CDCA2: variants seen among roughly 807,000 people sequenced by gnomAD.
The protein encoded by CDCA2 is cell division cycle-associated protein 2.
CDCA2 carries 44 observed loss-of-function variants against 67.0 expected under a neutral mutation model. That is an observed-to-expected ratio of 0.66 (90% confidence interval 0.52 to 0.84). The LOEUF is 0.84. Ranked by LOEUF, CDCA2 falls within the 40% of genes least tolerant of loss-of-function variation. The pLI, the probability that CDCA2 is intolerant of heterozygous loss-of-function variation, is 0.00. For synonymous variants in CDCA2, 447 were observed against 418.7 expected (o/e 1.07, Z -0.82); for missense variants, 1,253 against 1,203.2 (o/e 1.04, Z -0.61).
chr8:25,473,601 T>G (rs1803240725), intron 7 of CDCA2, among the ~76,000 whole-genome samples: 1 of 152,200 alleles, frequency 6.6e-6, no homozygotes. Context: ...TAGAAAGGCA[T>G]TTCATTAGTA....
chr8:25,473,390 C>A (rs1803233387), intron 7 of CDCA2, among the ~76,000 whole-genome samples: 1 of 152,108 alleles, frequency 6.6e-6, no homozygotes. Flanking sequence ...TTATCAAATG[C>A]TTTTTCTCCA....
In CDCA2 at chr8:25,485,814, C is replaced by A; in HGVS notation, c.1421C>A (p.Ser474Ter). 6.2e-7 allele frequency: 1 copy of A among 1,603,884 alleles called. No individual in the cohort carries two copies. The highest frequency in any genetic ancestry group is 1.1e-5 in the South Asian group (1 of 89,932). Residue 474 changes from serine (S) to a stop codon, truncating the protein, a stop_gained, in exon 11 of 15, where the codon TCA becomes TAA. Transcript: ENST00000330560. LOFTEE classifies it high-confidence loss of function. ...GCCGTTCTCAGTTCTCCTAATAAAT[C>A]ATCAATCTCTGAGACCCTTTCAGGT... is the stretch of plus-strand genomic sequence containing the variant. ...SFAVLSSPNK[S>*]SISETLSGTD...
At chr8:25,482,890 A>G (rs987141843) in intron 8 of CDCA2, among the ~76,000 whole-genome samples, 1 of 152,192 alleles carries the variant, frequency 6.6e-6, no homozygotes, top group South Asian at 2.1e-4. Context: ...ATAAATAAAA[A>G]GTATGCTTTT....
intron 13 of CDCA2, among the ~76,000 whole-genome samples, chr8:25,497,512 A>AAAT (rs1563281854): frequency 1.4e-5 from 2 of 144,840 alleles, no homozygotes; most frequent in Non-Finnish European, 3.0e-5. Flanking sequence ...AAAATAAAAA[A>AAAT]AAAAAAAACT....
chr8:25,461,092 A>G lies in CDCA2; in HGVS notation c.232+538A>G, dbSNP rs370839429. On this transcript the variant is annotated intron_variant, in intron 3 of 14. Coordinates refer to ENST00000330560, the MANE Select transcript of CDCA2 (RefSeq NM_152562.4). ...AGACCAGCCTGACCAACATAGAGAA[A>G]CCTCGTCTCTACTAAAAATACAAAA... 1.8e-4 allele frequency among the ~76,000 whole-genome samples: 28 copies of G among 151,876 alleles called. No individual in the cohort carries two copies. The East Asian group carries it at 4.1e-3, about 22-fold the overall frequency.
At chr8:25,491,067 A>G (rs1803982870) in intron 13 of CDCA2, among the ~76,000 whole-genome samples, 2 of 152,230 alleles carry the variant, frequency 1.3e-5, no homozygotes, top group Non-Finnish European at 2.9e-5. Flanking sequence ...TCATCTGCAT[A>G]AAAGTAAGGA....
chr8:25,461,216 G>A (rs537082727), intron 3 of CDCA2, among the ~76,000 whole-genome samples: 2 of 134,384 alleles, frequency 1.5e-5, no homozygotes, highest in African/African-American at 2.9e-5. Context: ...ACCGTGAGTC[G>A]AAATCGCACC....
intron 7 of CDCA2, among the ~76,000 whole-genome samples, chr8:25,477,414 C>G (rs1803393259): frequency 6.6e-6 from 1 of 152,116 alleles, no homozygotes; most frequent in East Asian, 1.9e-4. Flanking sequence ...CCTTTTGTCT[C>G]TATATACAGG....
At chr8:25,468,176 A>G (rs1802996743) in intron 5 of CDCA2, 41 bp from the exon 6 acceptor site, 3 of 1,153,360 alleles carry the variant, frequency 2.6e-6, no homozygotes, top group Non-Finnish European at 2.4e-6. Context: ...ATATGAAAAC[A>G]TTTATGCCTG....
At chr8:25,500,154 A>G (rs1328717761) in intron 13 of CDCA2, among the ~76,000 whole-genome samples, 2 of 151,860 alleles carry the variant, frequency 1.3e-5, no homozygotes, top group African/African-American at 4.8e-5. Flanking sequence ...TTGACCATTC[A>G]TTCATTCATT....
intron 5 of CDCA2, among the ~76,000 whole-genome samples, chr8:25,466,547 G>A (rs569963814): frequency 1.2e-3 from 190 of 152,110 alleles, no homozygotes; most frequent in African/African-American, 4.4e-3. Flanking sequence ...CTACATTTCC[G>A]CATGGTTGCA....
At chr8:25,480,978 T>C (rs1306791236) in intron 8 of CDCA2, among the ~76,000 whole-genome samples, 2 of 152,224 alleles carry the variant, frequency 1.3e-5, no homozygotes, top group Non-Finnish European at 2.9e-5. Context: ...CAAATCTTTT[T>C]TTCAAACCAT....
chr8:25,470,760 G>A (rs1369016399), intron 7 of CDCA2, among the ~76,000 whole-genome samples: 1 of 135,396 alleles, frequency 7.4e-6, no homozygotes, highest in Non-Finnish European at 1.6e-5. Flanking sequence ...TATGTGCTTT[G>A]TTTTTCTTTT....
chr8:25,488,573 G>A lies in CDCA2; in HGVS notation c.1555G>A (p.Glu519Lys). The stretch of plus-strand genomic sequence containing the variant: ...ATAGCAATTGGTCAGTGTTGTAGAA[G>A]AGAGTGTTTGCAACTTATTGAATAC... ...RRNQLVSVVEESVCNLLNTEV... is the reference protein window; with the variant it reads ...RRNQLVSVVEKSVCNLLNTEV... The change falls in exon 13 of 15, where the codon GAG becomes AAG. Residue 519 changes from glutamate (E) to lysine (K), a missense_variant. By Grantham distance (56) the Glu-to-Lys change is moderately conservative. Transcript: ENST00000330560. 6.2e-7 allele frequency: 1 copy of A among 1,611,152 alleles called. No individual in the cohort carries two copies. Among genetic ancestry groups the A allele is most frequent in the East Asian group, 2.2e-5 (1 of 44,780 alleles).
intron 13 of CDCA2, among the ~76,000 whole-genome samples, chr8:25,492,232 T>C (rs1054786120): frequency 2.0e-5 from 3 of 152,226 alleles, no homozygotes; most frequent in Non-Finnish European, 1.5e-5. Context: ...ATTACAGGCT[T>C]GAGCCAACAT....
At chr8:25,461,987 G>C (rs747801595) in intron 3 of CDCA2, 67 bp from the exon 4 acceptor site, 3 of 1,454,364 alleles carry the variant, frequency 2.1e-6, no homozygotes, top group Middle Eastern at 1.8e-4. Flanking sequence ...GGTACATCAC[G>C]AGTATTGGAT....
chr8:25,489,447 A>G (rs1405402454), intron 13 of CDCA2, among the ~76,000 whole-genome samples: 1 of 151,876 alleles, frequency 6.6e-6, no homozygotes, highest in Non-Finnish European at 1.5e-5. Flanking sequence ...CTTGTCAGGA[A>G]TCTCAATTCC....
intron 13 of CDCA2, among the ~76,000 whole-genome samples, chr8:25,491,739 C>T (rs1400768578): frequency 6.6e-6 from 1 of 152,116 alleles, no homozygotes; most frequent in Non-Finnish European, 1.5e-5. Flanking sequence ...ACCTCAGCCT[C>T]TTGAGTAGCT....
intron 13 of CDCA2, among the ~76,000 whole-genome samples, chr8:25,489,401 C>A (rs1803913684): frequency 6.6e-6 from 1 of 152,156 alleles, no homozygotes; most frequent in Non-Finnish European, 1.5e-5. Context: ...TTCATGTTTC[C>A]CTCTTCATCC....
Sources: allele counts gnomAD v4.1 joint callset (sites outside exome capture counted in the v4.1 genomes callset), GRCh38; gene constraint gnomAD v4.1.1; transcripts MANE v1.5; gene names NCBI Gene and HGNC (gene_info 2026-07-23, HGNC 2026-07-21).